The following MID1 variants were observed in gnomAD, a reference collection of about 807,000 sequenced individuals.
The protein encoded by MID1 is E3 ubiquitin-protein ligase Midline-1.
A neutral mutation model predicts 40.4 loss-of-function variants in MID1; 7 were observed. The observed-to-expected ratio is 0.17, with a 90% CI of 0.10 to 0.33. The LOEUF (loss-of-function observed/expected upper bound fraction) is 0.33. Ranked by LOEUF, MID1 falls within the 10% of genes least tolerant of loss-of-function variation. The pLI is 1.00. For synonymous variants in MID1, 229 were observed against 221.2 expected (o/e 1.04, Z -0.31); for missense variants, 367 against 558.5 (o/e 0.66, Z 3.46).
chrX:10,527,979 C>T (rs998479738), intron 2 of MID1, among the ~76,000 whole-genome samples: 6 of 112,027 alleles, frequency 5.4e-5, no homozygotes, highest in African/African-American at 1.9e-4. Flanking sequence ...CCATAGACCA[C>T]CTAACCCATT....
chrX:10,680,971 A>G (rs2043055323), intron 1 of MID1, among the ~76,000 whole-genome samples: 1 of 106,878 alleles, frequency 9.4e-6, no homozygotes, highest in Non-Finnish European at 1.9e-5. Flanking sequence ...GGTTGCAGTG[A>G]GCTGAGATTG....
At chrX:10,482,681 T>C in intron 4 of MID1, 53 bp from the exon 5 acceptor site, 1 of 1,126,242 alleles carries the variant, frequency 8.9e-7, no homozygotes, top group South Asian at 1.8e-5. Flanking sequence ...TCTTGCTTAA[T>C]GAAAAGGCAT....
intron 3 of MID1, among the ~76,000 whole-genome samples, chrX:10,517,562 C>A (rs765499067): frequency 1.8e-5 from 2 of 112,682 alleles, no homozygotes; most frequent in African/African-American, 6.4e-5. Context: ...TGAACCCTCA[C>A]TAAACCTTCA....
At chrX:10,788,968 CAAAACA>C (rs1159577345) in intron 1 of MID1, among the ~76,000 whole-genome samples, 18 of 111,037 alleles carry the variant, frequency 1.6e-4, no homozygotes, top group East Asian at 5.6e-4. Context: ...TTGTCTCTAC[CAAAACA>C]AAAACAAAAA....
chrX:10,568,354 G>C lies in MID1; in HGVS notation c.-56-751C>G, dbSNP rs773306473. Among the ~76,000 whole-genome samples the C allele has an allele frequency of 4.5e-5, 5 of 111,726 alleles. No individual in the cohort carries two copies. The East Asian group carries it at 1.4e-3, about 31-fold the overall frequency. On this transcript the variant is annotated intron_variant, in intron 1 of 9. Transcript: ENST00000317552. Reference sequence around the variant, plus strand: ...GAACGAAGTGGAGAAAAATATCTGGGGGCTTTTTCAGTGGCTGCAGTAAGT... The same window carrying C: ...GAACGAAGTGGAGAAAAATATCTGGCGGCTTTTTCAGTGGCTGCAGTAAGT...
rs374739890 is a variant in MID1 at position 10,604,941 on chromosome X, C to T, written c.-57+15349G>A. 3.2e-3 allele frequency among the ~76,000 whole-genome samples: 358 copies of T among 112,510 alleles called. 4 individuals carry two copies. The highest frequency in any genetic ancestry group is 0.011 in the African/African-American group (344 of 31,090). ...AACAGGATTGCCAAAAAATTGAAGT[C>T]TATTTTTTTTCTCTACTAACATTTT... On this transcript the variant is annotated intron_variant, in intron 1 of 9. Transcript: ENST00000317552.
At chrX:10,833,268 G>A (rs1319515791) in intron 1 of MID1, among the ~76,000 whole-genome samples, 1 of 112,103 alleles carries the variant, frequency 8.9e-6, no homozygotes, top group African/African-American at 3.2e-5. Flanking sequence ...GTTTTAGAGT[G>A]TAACAAAGAT....
intron 1 of MID1, among the ~76,000 whole-genome samples, chrX:10,796,247 G>A (rs1369891503): frequency 2.7e-5 from 3 of 111,718 alleles, no homozygotes; most frequent in African/African-American, 9.8e-5. Flanking sequence ...CAGGAAGCTG[G>A]CCAATGTGAC....
At chrX:10,465,212 T>C (rs60839183) in intron 7 of MID1, among the ~76,000 whole-genome samples, 1,104 of 55,781 alleles carry the variant, frequency 0.02, 33 homozygotes, top group African/African-American at 0.11. Context: ...TATATATATA[T>C]ATACACACAC....
rs755238099 is a variant in MID1, at chrX:10,567,438, A to T, written c.110T>A (p.Ile37Asn). 8.3e-7 allele frequency: 1 copy of T among 1,211,280 alleles called. No homozygotes were observed. Among genetic ancestry groups the T allele is most frequent in the East Asian group, 3.0e-5 (1 of 33,821 alleles). The change falls in exon 2 of 10, where the codon ATC (isoleucine) becomes AAC (asparagine). Residue 37 changes from isoleucine to asparagine, a missense_variant. By Grantham distance (149) the Ile-to-Asn change is moderately radical. This residue lies in a region of MID1 where 78 missense variants were observed against 112.6 expected (regional missense o/e 0.69). Transcript: ENST00000317552. ...HSLCFNCAHRILVSHCATNES... is the reference protein window; with the variant it reads ...HSLCFNCAHRNLVSHCATNES... ...GTTGGTGGCACAGTGTGATACTAGGATGCGGTGGGCGCAGTTGAAGCAGAG... is the reference window on the plus strand; with the variant it reads ...GTTGGTGGCACAGTGTGATACTAGGTTGCGGTGGGCGCAGTTGAAGCAGAG...
chrX:10,796,583 G>A lies in MID1; in HGVS notation c.-187+36971C>T, dbSNP rs73491044. 7.3e-3 allele frequency among the ~76,000 whole-genome samples: 800 copies of A among 109,945 alleles called. 10 individuals carry two copies. Among genetic ancestry groups the A allele is most frequent in the African/African-American group, 0.025 (765 of 30,122 alleles). On this transcript the variant is annotated intron_variant, in intron 1 of 10. Transcript: ENST00000380785. The stretch of plus-strand genomic sequence containing the variant: ...CCTCTACTAGTAGCTTGCACCTTGT[G>A]ATCTATTTAATATCTTGCCTTTCTT...
intron 1 of MID1, among the ~76,000 whole-genome samples, chrX:10,813,596 T>C (rs766546983): frequency 8.1e-5 from 9 of 110,952 alleles, no homozygotes; most frequent in East Asian, 2.9e-4. Context: ...AAGGCTGAGT[T>C]TGTAAAGTGT....
intron 1 of MID1, among the ~76,000 whole-genome samples, chrX:10,766,400 C>T (rs759418790): frequency 1.8e-5 from 2 of 111,343 alleles, no homozygotes; most frequent in South Asian, 7.7e-4. Flanking sequence ...GCACAAGCCT[C>T]CCTATAGGAG....
intron 1 of MID1, among the ~76,000 whole-genome samples, chrX:10,794,804 T>A (rs1447831449): frequency 3.6e-5 from 4 of 112,164 alleles, no homozygotes; most frequent in African/African-American, 1.3e-4. Context: ...CATTATAAAT[T>A]CATTACTTAC....
intron 1 of MID1, among the ~76,000 whole-genome samples, chrX:10,690,275 A>G (rs1306620866): frequency 8.9e-6 from 1 of 112,091 alleles, no homozygotes; most frequent in Non-Finnish European, 1.9e-5. Flanking sequence ...TTGGCTAGCA[A>G]GTAGTAGAGT....
intron 2 of MID1, among the ~76,000 whole-genome samples, chrX:10,553,027 C>G (rs1044194266): frequency 6.3e-5 from 7 of 111,096 alleles, no homozygotes; most frequent in Non-Finnish European, 3.8e-5. Flanking sequence ...GCGGGCAGAT[C>G]ACCTGATGTC....
rs1325445848 is a variant in MID1, at chrX:10,784,447, T to C, written c.-187+49107A>G. 3.0e-5 allele frequency among the ~76,000 whole-genome samples: 3 copies of C among 99,485 alleles called. No individual in the cohort carries two copies. In the Admixed American group the frequency reaches 3.2e-4, roughly 11 times the overall value. The allele number at this position is 99,485 out of a possible 115,157, so 86.4% of individuals were successfully genotyped here. On this transcript the variant is annotated intron_variant, in intron 1 of 10. Transcript: ENST00000380785. ...TCCTCTTACAAGTTGTATTTTCTTT[T>C]TTTTTTTTTTTTTTTTGAGACAGAG...
intron 1 of MID1, among the ~76,000 whole-genome samples, chrX:10,738,883 C>T (rs1404336796): frequency 5.6e-5 from 6 of 106,696 alleles, no homozygotes; most frequent in African/African-American, 2.0e-4. Context: ...CACCCTTTTT[C>T]TATCTATTGG....
intron 1 of MID1, among the ~76,000 whole-genome samples, chrX:10,756,564 T>A (rs2043634067): frequency 8.9e-6 from 1 of 111,997 alleles, no homozygotes; most frequent in African/African-American, 3.2e-5. Flanking sequence ...ATTCCTACCA[T>A]GTGAAGTCAC....
Sources: allele counts gnomAD v4.1 joint callset (sites outside exome capture counted in the v4.1 genomes callset), GRCh38; gene constraint gnomAD v4.1.1; regional missense constraint gnomAD v4.1.1; transcripts MANE v1.5; gene names NCBI Gene and HGNC (gene_info 2026-07-23, HGNC 2026-07-21).